Variants in SOX5 observed in about 807,000 individuals in gnomAD.
SOX5 encodes the protein transcription factor SOX-5.
SOX5 carries 9 observed loss-of-function variants against 92.0 expected under a neutral mutation model. The observed-to-expected ratio is 0.10, with a 90% CI of 0.06 to 0.17. The LOEUF is 0.17. Ranked by LOEUF, SOX5 falls within the 10% of genes least tolerant of loss-of-function variation. The probability of loss-of-function intolerance (pLI) is 1.00; values close to 1 mark genes in which losing one functional copy is unlikely to be tolerated. For synonymous variants in SOX5, 344 were observed against 336.3 expected (o/e 1.02, Z -0.25); for missense variants, 642 against 944.5 (o/e 0.68, Z 4.20).
rs1300772191 is a variant in SOX5 at position 24,562,172 on chromosome 12, G to T, written c.-251+157C>A. ...CTCCCTCTGTACTTGAGGAAACTCC[G>T]GCGGCGGCCCCCTCCCTCCTCCGCG... On this transcript the variant is annotated intron_variant, in intron 1 of 4. Transcript: ENST00000446891. 9.2e-5 allele frequency among the ~76,000 whole-genome samples: 14 copies of T among 152,268 alleles called. No individual in the cohort carries two copies. The South Asian group carries it at 1.5e-3, about 16-fold the overall frequency.
Position 23,949,655 on chromosome 12 carries a change from A to C in SOX5, c.-54T>G. 1 of 1,613,530 alleles carries C rather than the reference A, an allele frequency of 6.2e-7. No individual in the cohort carries two copies. The highest frequency in any genetic ancestry group is 1.7e-5 in the Admixed American group (1 of 59,958). On this transcript the variant is annotated 5_prime_UTR_variant, in exon 1 of 15. Coordinates refer to ENST00000451604, the MANE Select transcript of SOX5 (RefSeq NM_006940.6). ...CAGCAGCCACCTATGATCGTCTCCA[A>C]CTGAACCTGTCAAGTGAGTCCAAAC... is the stretch of plus-strand genomic sequence containing the variant.
At chr12:24,304,836 C>A (rs1948392947) in intron 2 of SOX5, among the ~76,000 whole-genome samples, 1 of 152,124 alleles carries the variant, frequency 6.6e-6, no homozygotes, top group Non-Finnish European at 1.5e-5. Context: ...TCTAGACCCT[C>A]CCTCTCCCTC....
chr12:24,312,332 T>G (rs557521431), intron 2 of SOX5, among the ~76,000 whole-genome samples: 2 of 152,216 alleles, frequency 1.3e-5, no homozygotes, highest in Non-Finnish European at 2.9e-5. Context: ...TTTTTTGGCC[T>G]AGCAGGTCCT....
chr12:23,683,056 T>C (rs952543810), intron 6 of SOX5, among the ~76,000 whole-genome samples: 1 of 151,898 alleles, frequency 6.6e-6, no homozygotes, highest in Non-Finnish European at 1.5e-5. Context: ...TAGTTTGTAA[T>C]GACTAGCTTT....
intron 3 of SOX5, among the ~76,000 whole-genome samples, chr12:23,817,854 G>T (rs1022196189): frequency 2.6e-5 from 4 of 151,984 alleles, no homozygotes; most frequent in Non-Finnish European, 5.9e-5. Context: ...TTGAGAACAG[G>T]AACTATATCT....
chr12:23,794,071 T>C lies in SOX5; in HGVS notation c.482-38347A>G, dbSNP rs141853575. 3.9e-5 allele frequency among the ~76,000 whole-genome samples: 6 copies of C among 152,300 alleles called. No individual in the cohort carries two copies. In the East Asian group the frequency reaches 1.2e-3, roughly 29 times the overall value. ...TTGAAATGTTTAATGTAATATGAAT[T>C]AACAAGAATTTCATTGAAACCAGAG... On this transcript the variant is annotated intron_variant, in intron 3 of 14. Transcript: ENST00000451604.
chr12:23,664,146 C>T (rs563926555), intron 7 of SOX5, among the ~76,000 whole-genome samples: 418 of 151,968 alleles, frequency 2.8e-3, no homozygotes, highest in Non-Finnish European at 5.0e-3. Context: ...TTCTTCAATA[C>T]GATATAGAGA....
chr12:23,864,728 G>A (rs2096793012), intron 2 of SOX5, among the ~76,000 whole-genome samples: 1 of 152,154 alleles, frequency 6.6e-6, no homozygotes, highest in African/African-American at 2.4e-5. Flanking sequence ...AGCTAGCAGA[G>A]GTTGGCTCAT....
chr12:24,185,446 C>T (rs549554578), intron 4 of SOX5, among the ~76,000 whole-genome samples: 5 of 152,116 alleles, frequency 3.3e-5, no homozygotes, highest in Non-Finnish European at 5.9e-5. Context: ...GCACTTACCA[C>T]ATTCTAATTT....
chr12:23,857,432 T>G (rs1267998701), intron 2 of SOX5, among the ~76,000 whole-genome samples: 2 of 152,154 alleles, frequency 1.3e-5, no homozygotes, highest in Non-Finnish European at 2.9e-5. Flanking sequence ...ATTGTAGCAG[T>G]GGGAGTTGAA....
At chr12:23,995,437 A>G (rs1498866) in intron 4 of SOX5, among the ~76,000 whole-genome samples, 32,979 of 152,084 alleles carry the variant, frequency 0.22, 3,763 homozygotes, top group Non-Finnish European at 0.24. Flanking sequence ...ACTCACGACT[A>G]TAATCCCAGC....
At chr12:23,911,744 A>G (rs571654276) in intron 1 of SOX5, among the ~76,000 whole-genome samples, 1 of 152,246 alleles carries the variant, frequency 6.6e-6, no homozygotes, top group South Asian at 2.1e-4. Flanking sequence ...TTGATATGTA[A>G]CAGTGACTGT....
Position 24,287,403 on chromosome 12 carries a change from A to T in SOX5, c.-173-10091T>A, listed in dbSNP as rs1595187637. On this transcript the variant is annotated intron_variant, in intron 2 of 4. Coordinates refer to the SOX5 transcript ENST00000446891. ...AGATAACTTCTTGGATACAGAGGAA[A>T]CATGAACAAAGTACTTGTGCTTTTT... 4.6e-5 allele frequency among the ~76,000 whole-genome samples: 7 copies of T among 152,156 alleles called. No individual in the cohort carries two copies. In the South Asian group the frequency reaches 1.5e-3, roughly 32 times the overall value.
intron 2 of SOX5, among the ~76,000 whole-genome samples, chr12:24,297,344 T>C (rs1267859267): frequency 3.9e-5 from 6 of 152,214 alleles, no homozygotes; most frequent in African/African-American, 1.4e-4. Context: ...AGTCTTCCCA[T>C]TCTCAGATTT....
intron 3 of SOX5, among the ~76,000 whole-genome samples, chr12:23,760,949 T>C (rs1208033073): frequency 6.6e-6 from 1 of 152,132 alleles, no homozygotes; most frequent in African/African-American, 2.4e-5. Context: ...AAAAGTACGC[T>C]ATGTATGATA....
At chr12:24,467,786 G>C (rs1271074796) in intron 1 of SOX5, among the ~76,000 whole-genome samples, 1 of 152,128 alleles carries the variant, frequency 6.6e-6, no homozygotes, top group Non-Finnish European at 1.5e-5. Flanking sequence ...TGGATAAACT[G>C]CCTGCTATTT....
chr12:23,869,385 A>C (rs1467055301), intron 2 of SOX5, among the ~76,000 whole-genome samples: 1 of 151,988 alleles, frequency 6.6e-6, no homozygotes, highest in Non-Finnish European at 1.5e-5. Context: ...TCTTCCCCTC[A>C]ATTTCTCTCC....
chr12:23,933,469 G>A (rs1462371856), intron 1 of SOX5, among the ~76,000 whole-genome samples: 2 of 151,552 alleles, frequency 1.3e-5, no homozygotes, highest in Non-Finnish European at 3.0e-5. Flanking sequence ...AAATGGAAAT[G>A]TTTCTATGTC....
chr12:23,730,804 T>G (rs1178182039), intron 6 of SOX5, among the ~76,000 whole-genome samples: 1 of 152,044 alleles, frequency 6.6e-6, no homozygotes, highest in Non-Finnish European at 1.5e-5. Context: ...TCATCAGAGG[T>G]TGAGAAAGAA....
Sources: allele counts gnomAD v4.1 joint callset (sites outside exome capture counted in the v4.1 genomes callset), GRCh38; gene constraint gnomAD v4.1.1; transcripts MANE v1.5; gene names NCBI Gene and HGNC (gene_info 2026-07-23, HGNC 2026-07-21).